PIBF1: variants seen among roughly 807,000 people sequenced by gnomAD.
PIBF1 encodes progesterone-induced-blocking factor 1.
A neutral mutation model predicts 112.5 loss-of-function variants in PIBF1; 90 were observed. That is an observed-to-expected ratio of 0.80 (90% confidence interval 0.67 to 0.95). The LOEUF is 0.95. Ranked by LOEUF, PIBF1 falls within the 40% of genes least tolerant of loss-of-function variation. The pLI is 0.00. For missense variants in PIBF1, 915 were observed against 852.3 expected (o/e 1.07, Z -0.92); for synonymous variants, 301 against 288.6 (o/e 1.04, Z -0.44).
chr13:73,004,586 A>T (rs922639530), intron 17 of PIBF1, among the ~76,000 whole-genome samples: 5 of 152,096 alleles, frequency 3.3e-5, no homozygotes, highest in African/African-American at 1.2e-4. Flanking sequence ...GATGTCTAAT[A>T]TGTATTTTCT....
chr13:72,885,636 G>A (rs886596033), intron 10 of PIBF1, among the ~76,000 whole-genome samples: 1 of 152,106 alleles, frequency 6.6e-6, no homozygotes, highest in African/African-American at 2.4e-5. Context: ...TGTACAGTGT[G>A]TTGTTGTGAG....
At chr13:72,804,948 T>C (rs183712809) in intron 5 of PIBF1, among the ~76,000 whole-genome samples, 92 of 152,248 alleles carry the variant, frequency 6.0e-4, no homozygotes, top group Middle Eastern at 3.4e-3. Context: ...GTCCATGATA[T>C]ATAGCTGCAA....
chr13:72,834,661 A>G (rs2037274464), intron 8 of PIBF1, among the ~76,000 whole-genome samples: 1 of 152,126 alleles, frequency 6.6e-6, no homozygotes, highest in African/African-American at 2.4e-5. Context: ...AACAAATTTT[A>G]CCTTAAAGGT....
At chr13:72,880,731 T>C (rs1219735376) in intron 10 of PIBF1, among the ~76,000 whole-genome samples, 2 of 152,154 alleles carry the variant, frequency 1.3e-5, no homozygotes, top group Non-Finnish European at 2.9e-5. Context: ...TGAAAAATAC[T>C]TCAATCTCAT....
intron 11 of PIBF1, among the ~76,000 whole-genome samples, chr13:72,899,665 A>G (rs2040412176): frequency 6.6e-6 from 1 of 152,222 alleles, no homozygotes; most frequent in East Asian, 1.9e-4. Context: ...ATGGGGAAAA[A>G]TTGAAAGCAT....
At chr13:72,827,634 T>C (rs2036881119) in intron 7 of PIBF1, 99 bp from the exon 8 acceptor site, 2 of 698,898 alleles carry the variant, frequency 2.9e-6, no homozygotes, top group Non-Finnish European at 4.4e-6. Flanking sequence ...AAAATTTTCA[T>C]GTGGTGAATG....
Position 72,857,764 on chromosome 13 carries a change from T to C in PIBF1, c.1322+3609T>C, listed in dbSNP as rs186948078. Among the ~76,000 whole-genome samples the C allele has an allele frequency of 6.4e-3, 973 of 152,184 alleles. 13 individuals carry two copies. Among genetic ancestry groups the C allele is most frequent in the African/African-American group, 0.022 (903 of 41,534 alleles). ...TGGAGGCAGGAGAATCGCTTGAACCTGGGAGGCAGAGGTTGCAGTGAGCCG... is the reference window on the plus strand; with the variant it reads ...TGGAGGCAGGAGAATCGCTTGAACCCGGGAGGCAGAGGTTGCAGTGAGCCG... On this transcript the variant is annotated intron_variant, in intron 10 of 17. Transcript: ENST00000326291.
At chr13:73,002,642 C>G (rs1302633226) in intron 17 of PIBF1, among the ~76,000 whole-genome samples, 1 of 152,102 alleles carries the variant, frequency 6.6e-6, no homozygotes, top group Non-Finnish European at 1.5e-5. Context: ...AATGCAGATA[C>G]TAGCAACTCT....
At chr13:72,920,653 G>A (rs1328782883) in intron 13 of PIBF1, among the ~76,000 whole-genome samples, 2 of 152,122 alleles carry the variant, frequency 1.3e-5, no homozygotes, top group African/African-American at 4.8e-5. Context: ...CAGACGCACT[G>A]GCATGTACCT....
At chr13:72,982,753 T>C (rs1035419857) in intron 16 of PIBF1, among the ~76,000 whole-genome samples, 2 of 152,176 alleles carry the variant, frequency 1.3e-5, no homozygotes, top group Non-Finnish European at 2.9e-5. Context: ...CATCAAAAAA[T>C]AAGTGTCACT....
At chr13:73,001,358 T>A (rs1326268357) in intron 17 of PIBF1, among the ~76,000 whole-genome samples, 1 of 152,182 alleles carries the variant, frequency 6.6e-6, no homozygotes, top group East Asian at 1.9e-4. Context: ...TATAATCTCA[T>A]GGTTTTATAC....
chr13:72,917,863 G>A (rs1199133611), intron 13 of PIBF1, among the ~76,000 whole-genome samples: 1 of 152,158 alleles, frequency 6.6e-6, no homozygotes, highest in Non-Finnish European at 1.5e-5. Context: ...ATGATTTAAA[G>A]TATATGGGAG....
At chr13:72,793,471 G>T (rs2035036185) in intron 3 of PIBF1, among the ~76,000 whole-genome samples, 2 of 152,164 alleles carry the variant, frequency 1.3e-5, no homozygotes, top group South Asian at 2.1e-4. Flanking sequence ...TCTGACTTGT[G>T]GGGGTGGGGT....
chr13:72,830,160 T>C (rs574940617), intron 8 of PIBF1, among the ~76,000 whole-genome samples: 1 of 152,344 alleles, frequency 6.6e-6, no homozygotes, highest in South Asian at 2.1e-4. Flanking sequence ...GCTTATCAGC[T>C]TAAGGAGATT....
intron 15 of PIBF1, 89 bp downstream of exon 15, chr13:72,965,493 C>G: frequency 9.5e-7 from 1 of 1,049,648 alleles, no homozygotes; most frequent in East Asian, 2.6e-5. Context: ...AAATCATGAA[C>G]AGAAAATTTA....
At chr13:72,936,314 G>C (rs1372413064) in intron 14 of PIBF1, among the ~76,000 whole-genome samples, 4 of 152,110 alleles carry the variant, frequency 2.6e-5, no homozygotes, top group Non-Finnish European at 2.9e-5. Flanking sequence ...GGGATTGCAG[G>C]TGTGAGCCAT....
intron 15 of PIBF1, among the ~76,000 whole-genome samples, chr13:72,972,497 C>G (rs561108994): frequency 6.6e-6 from 1 of 152,184 alleles, no homozygotes; most frequent in South Asian, 2.1e-4. Flanking sequence ...AACCCCATCT[C>G]TACTAAAAAT....
intron 10 of PIBF1, among the ~76,000 whole-genome samples, chr13:72,887,581 A>C (rs1268013874): frequency 6.6e-6 from 1 of 152,000 alleles, no homozygotes; most frequent in African/African-American, 2.4e-5. Flanking sequence ...GAAGTAAAGG[A>C]TATATCTAAG....
intron 17 of PIBF1, among the ~76,000 whole-genome samples, chr13:73,008,216 G>A (rs554749888): frequency 1.3e-5 from 2 of 152,142 alleles, no homozygotes; most frequent in Non-Finnish European, 2.9e-5. Flanking sequence ...AAATATCTTT[G>A]AATGATATAA....
Sources: allele counts gnomAD v4.1 joint callset (sites outside exome capture counted in the v4.1 genomes callset), GRCh38; gene constraint gnomAD v4.1.1; transcripts MANE v1.5; gene names NCBI Gene and HGNC (gene_info 2026-07-23, HGNC 2026-07-21).